Variants in FLOT1 observed in about 807,000 individuals in gnomAD.
FLOT1 encodes the protein flotillin-1.
Under a neutral mutation model 58.4 loss-of-function variants are expected in FLOT1, and 40 were observed. The observed-to-expected ratio is 0.69, with a 90% CI of 0.53 to 0.89. The LOEUF is 0.89. Among genes scored for constraint, FLOT1 ranks in the 40% least tolerant of loss-of-function variants. The pLI, the probability that FLOT1 is intolerant of heterozygous loss-of-function variation, is 0.00. For missense variants in FLOT1, 423 were observed against 540.8 expected (o/e 0.78, Z 2.16); for synonymous variants, 178 against 204.2 (o/e 0.87, Z 1.09).
At chr6:30,734,783 G>C (rs768993324) in intron 8 of FLOT1, among the ~76,000 whole-genome samples, 1 of 151,718 alleles carries the variant, frequency 6.6e-6, no homozygotes, top group Non-Finnish European at 1.5e-5. Flanking sequence ...GAAATGGCAC[G>C]ATCTCAGCTC....
In FLOT1 at chr6:30,727,829, C is replaced by T; in HGVS notation, c.*287G>A. ...TCAGGAAAATATTCTAGACAACAGG[C>T]TCAAACAGTCTGATTTAATTAGGAA... On this transcript the variant is annotated 3_prime_UTR_variant, in exon 13 of 13. Transcript: ENST00000376389. 1.7e-6 allele frequency: 1 copy of T among 575,076 alleles called. No homozygotes were observed. 35.6% of individuals were successfully genotyped at this position (575,076 alleles called of 1,614,324 possible).
At chr6:30,738,431 C>T (rs976026442) in intron 8 of FLOT1, among the ~76,000 whole-genome samples, 4 of 152,186 alleles carry the variant, frequency 2.6e-5, no homozygotes, top group Non-Finnish European at 5.9e-5. Context: ...GTAAAGGTCT[C>T]AAAGTACAGT....
intron 8 of FLOT1, among the ~76,000 whole-genome samples, chr6:30,735,424 C>G (rs1193922589): frequency 6.7e-6 from 1 of 149,658 alleles, no homozygotes; most frequent in Non-Finnish European, 1.5e-5. Context: ...CCAGCCTGGC[C>G]GACATGGTGA....
At chr6:30,735,646 CAT>C (rs1157521042) in intron 8 of FLOT1, among the ~76,000 whole-genome samples, 1 of 151,732 alleles carries the variant, frequency 6.6e-6, no homozygotes, top group Non-Finnish European at 1.5e-5. Flanking sequence ...TCAAAAAAAA[CAT>C]AAATAAAATA....
chr6:30,733,754 A>G lies in FLOT1; in HGVS notation c.724-2654T>C, dbSNP rs549687826. Among the ~76,000 whole-genome samples, 280 of 128,368 alleles carry G rather than the reference A, an allele frequency of 2.2e-3. 5 individuals are homozygous for G. Among genetic ancestry groups the G allele is most frequent in the Middle Eastern group, 9.3e-3 (2 of 216 alleles). 84.2% of individuals were successfully genotyped at this position (128,368 alleles called of 152,430 possible). A position where few individuals can be genotyped will look rare whatever the true frequency, so the allele number is the denominator to read the frequency against. On this transcript the variant is annotated intron_variant, in intron 8 of 12. Transcript: ENST00000376389. ...AAAATCCATCTCAAAAAAAAAAAAA[A>G]AGAAAAGAAAGCTGGGCTTGATGCA...
chr6:30,730,220 GATCTGACCACATTCCTCATA>G, intron 11 of FLOT1, 34 bp from the exon 12 acceptor site: 1 of 1,608,482 alleles, frequency 6.2e-7, no homozygotes, highest in Non-Finnish European at 8.5e-7. Flanking sequence ...CAGTGCCCAT[GATCTGACCACATTCCTCATA>G]AAACAACTTA....
intron 7 of FLOT1, 91 bp downstream of exon 7, chr6:30,740,405 T>G: frequency 6.3e-7 from 1 of 1,589,594 alleles, no homozygotes; most frequent in Non-Finnish European, 8.6e-7. Flanking sequence ...TTCTGCCTCA[T>G]GTATTTTCCC....
At position 30,742,214 on chromosome 6, in the gene FLOT1, G is replaced by A. The variant is rs116089201; in HGVS notation, c.-14-11C>T. ...TGGTTCAGGCTGGAGCTGGAGGAGA[G>A]GGAGGGAAAGCCTTTGCGGATGGGG... On this transcript the variant is annotated splice_polypyrimidine_tract_variant and intron_variant, in intron 1 of 12. Coordinates refer to ENST00000376389, the MANE Select transcript of FLOT1 (RefSeq NM_005803.4). The surrounding 1 kb of genome is among the most constrained non-coding windows in gnomAD (Gnocchi z 5.2). 18,386 of 1,612,448 alleles carry A rather than the reference G, an allele frequency of 0.011. 136 individuals are homozygous for A. The highest frequency in any genetic ancestry group is 0.013 in the Non-Finnish European group (15,726 of 1,179,480).
Position 30,730,566 on chromosome 6 carries a change from C to A in FLOT1, c.952-1G>T. 1 of 1,612,204 alleles carries A rather than the reference C, an allele frequency of 6.2e-7. No homozygotes were observed. Among genetic ancestry groups the A allele is most frequent in the Non-Finnish European group, 8.5e-7 (1 of 1,178,580 alleles). Reference sequence around the variant, plus strand: ...CAAAGGCCTCAGCTTCCCCACGCATCTGAGGGTTAAGGATGCTTGTGAGAT... The same window carrying A: ...CAAAGGCCTCAGCTTCCCCACGCATATGAGGGTTAAGGATGCTTGTGAGAT... On this transcript the variant is annotated splice_acceptor_variant, in intron 10 of 12. Coordinates refer to ENST00000376389, the MANE Select transcript of FLOT1 (RefSeq NM_005803.4). LOFTEE classifies it high-confidence loss of function.
chr6:30,737,208 T>TTGTCCGTCCGTCCGTC lies in FLOT1; in HGVS notation c.723+2949_723+2950insGACGGACGGACGGACA, dbSNP rs1554208449. ...GACTGACTGACTGACTGACTGTCTG[T>TTGTCCGTCCGTCCGTC]CGTCCGTCCGTCCGTCCGTCCGTCC... On this transcript the variant is annotated intron_variant, in intron 8 of 12. Coordinates refer to ENST00000376389, the MANE Select transcript of FLOT1 (RefSeq NM_005803.4). This position sits in a 1 kb window ranked among gnomAD's most constrained non-coding sequence, Gnocchi z 4.4. Among the ~76,000 whole-genome samples, 2 of 138,042 alleles carry TTGTCCGTCCGTCCGTC rather than the reference T, an allele frequency of 1.4e-5. No homozygotes were observed. Among genetic ancestry groups the TTGTCCGTCCGTCCGTC allele is most frequent in the African/African-American group, 2.8e-5 (1 of 35,650 alleles). 90.6% of individuals were successfully genotyped at this position (138,042 alleles called of 152,430 possible).
rs182510621 is a variant in FLOT1 at position 30,739,586 on chromosome 6, T to C, written c.723+572A>G. Among the ~76,000 whole-genome samples, 171 of 152,266 alleles carry C rather than the reference T, an allele frequency of 1.1e-3. 1 individual carries two copies. In the Middle Eastern group the frequency reaches 0.024, roughly 21 times the overall value. On this transcript the variant is annotated intron_variant, in intron 8 of 12. Coordinates refer to ENST00000376389, the MANE Select transcript of FLOT1 (RefSeq NM_005803.4). The stretch of plus-strand genomic sequence containing the variant: ...GGTTTCACTATGTTGGCCAGGCTAG[T>C]CTCGAACTCTTGACCTTGTGATCCA...
chr6:30,739,463 G>C (rs560560860), intron 8 of FLOT1, among the ~76,000 whole-genome samples: 6 of 151,566 alleles, frequency 4.0e-5, no homozygotes, highest in African/African-American at 1.5e-4. Context: ...TCTGTCTCCC[G>C]GGTTCAAGCA....
At position 30,742,169 on chromosome 6, in the gene FLOT1, T is replaced by TG; in HGVS notation, c.20dup (p.Asn8LysfsTer2). The TG allele has an allele frequency of 6.2e-7, 1 of 1,612,950 alleles. No individual in the cohort carries two copies. Among genetic ancestry groups the TG allele is most frequent in the Non-Finnish European group, 8.5e-7 (1 of 1,179,994 alleles). ...TACCGGAGACCACCATGGCCTCATTTGGGCCACAAGTGAAAAACATGGTTC... is the reference window on the plus strand; with the variant it reads ...TACCGGAGACCACCATGGCCTCATTTGGGGCCACAAGTGAAAAACATGGTTC... On this transcript the variant is annotated frameshift_variant, in exon 2 of 13. Transcript: ENST00000376389. LOFTEE classifies it high-confidence loss of function. The surrounding 1 kb of genome is among the most constrained non-coding windows in gnomAD (Gnocchi z 5.2).
Position 30,731,074 on chromosome 6 carries a change from C to T in FLOT1, c.750G>A (p.Glu250=). Residue 250 remains glutamate, a synonymous_variant, in exon 9 of 13, where the codon GAG becomes GAA. Transcript: ENST00000376389. ...CCACCTGCACCTGCACCCGCTGCTC[C>T]TCAATCTGCTGCTTAGTCTTGGCCA... ...LQVAKTKQQI[E]EQRVQVQVVE... The T allele has an allele frequency of 1.2e-6, 2 of 1,609,010 alleles. No homozygotes were observed. Among genetic ancestry groups the T allele is most frequent in the South Asian group, 2.2e-5 (2 of 91,050 alleles).
chr6:30,740,461 C>A, intron 7 of FLOT1, 35 bp downstream of exon 7: 1 of 1,603,042 alleles, frequency 6.2e-7, no homozygotes, highest in East Asian at 2.2e-5. Context: ...CCACTTCTAT[C>A]CCCTTTCCCA....
Position 30,730,997 on chromosome 6 carries a change from T to A in FLOT1, c.827A>T (p.Glu276Val), listed in dbSNP as rs1777144901. Residue 276 changes from glutamate (E) to valine (V), a missense_variant, in exon 9 of 13, where the codon GAG becomes GTG. By Grantham distance (121) the Glu-to-Val change is moderately radical. Around this residue, in one of 6 missense-constraint regions of FLOT1, gnomAD observed 106 missense variants for 88.4 expected, o/e 1.20. Coordinates refer to ENST00000376389, the MANE Select transcript of FLOT1 (RefSeq NM_005803.4). Reference sequence around the variant, plus strand: ...CCGCACCCGGGCCTCCAGCTCCTTCTCCCGCCGGGCGATCTCCTGCTCCTG... The same window carrying A: ...CCGCACCCGGGCCTCCAGCTCCTTCACCCGCCGGGCGATCTCCTGCTCCTG... ...AVQEQEIARR[E>V]KELEARVRKP... 8 of 1,613,778 alleles carry A rather than the reference T, an allele frequency of 5.0e-6. No homozygotes were observed. The highest frequency in any genetic ancestry group is 6.8e-6 in the Non-Finnish European group (8 of 1,179,986).
At position 30,742,510 on chromosome 6, in the gene FLOT1, T is replaced by G; in HGVS notation, c.-15+17A>C. 1 of 393,596 alleles carries G rather than the reference T, an allele frequency of 2.5e-6. No homozygotes were observed. Among genetic ancestry groups the G allele is most frequent in the Non-Finnish European group, 4.6e-6 (1 of 216,132 alleles). The allele number at this position is 393,596 out of a possible 1,614,324, so 24.4% of individuals were successfully genotyped here. On this transcript the variant is annotated intron_variant, in intron 1 of 12. Coordinates refer to ENST00000376389, the MANE Select transcript of FLOT1 (RefSeq NM_005803.4). This position sits in a 1 kb window ranked among gnomAD's most constrained non-coding sequence, Gnocchi z 5.2. ...CTTCTCGGCAGCCCCAGGCTCCATC[T>G]CCCCTCCCCCACTCACCTTCCGGGA...
In FLOT1 at chr6:30,741,936, G is replaced by A; in HGVS notation, c.44-69C>T. 6.9e-7 allele frequency: 1 copy of A among 1,450,758 alleles called. No homozygotes were observed. The highest frequency in any genetic ancestry group is 1.4e-5 in the African/African-American group (1 of 71,840). The allele number at this position is 1,450,758 out of a possible 1,614,324, so 89.9% of individuals were successfully genotyped here. The stretch of plus-strand genomic sequence containing the variant: ...GTGGAAGACTGAGGAACTGGCGGGG[G>A]TGAGGGGACAGCAACCCACAGGAGA... On this transcript the variant is annotated intron_variant, in intron 2 of 12. Transcript: ENST00000376389. The surrounding 1 kb of genome is among the most constrained non-coding windows in gnomAD (Gnocchi z 5.9).
Position 30,741,067 on chromosome 6 carries a change from A to G in FLOT1, c.354+123T>C. 7.8e-7 allele frequency: 1 copy of G among 1,281,298 alleles called. No individual in the cohort carries two copies. The highest frequency in any genetic ancestry group is 1.1e-6 in the Non-Finnish European group (1 of 926,152). 79.4% of individuals were successfully genotyped at this position (1,281,298 alleles called of 1,614,324 possible). A position where few individuals can be genotyped will look rare whatever the true frequency, so the allele number is the denominator to read the frequency against. ...ATCCCAAAGTGCTGGGATTACAGGC[A>G]TGAACCACCCTGCCCGGCCGGGATG... On this transcript the variant is annotated intron_variant, in intron 5 of 12. Transcript: ENST00000376389. This position sits in a 1 kb window ranked among gnomAD's most constrained non-coding sequence, Gnocchi z 5.9.
Sources: gnomAD v4.1 joint callset for allele counts (sites outside exome capture counted in the v4.1 genomes callset) on GRCh38, gnomAD v4.1.1 for gene constraint, gnomAD v4.1.1 regional missense constraint, Gnocchi (gnomAD v3.1) non-coding constraint, MANE v1.5 for transcripts, NCBI Gene and HGNC (gene_info 2026-07-23, HGNC 2026-07-21) for gene names.